PCDH15: variants seen among roughly 807,000 people sequenced by gnomAD.
PCDH15 encodes protocadherin related 15, also known as protocadherin-15.
PCDH15 carries 129 observed loss-of-function variants against 178.5 expected under a neutral mutation model. The observed-to-expected ratio is 0.72, with a 90% confidence interval of 0.63 to 0.84. PCDH15 has a LOEUF of 0.84. Ranked by LOEUF, PCDH15 falls within the 40% of genes least tolerant of loss-of-function variation. The pLI is 0.00. For synonymous variants in PCDH15, 800 were observed against 732.0 expected (o/e 1.09, Z -1.50); for missense variants, 2,230 against 2,099.9 (o/e 1.06, Z -1.21).
At chr10:55,372,511 C>T (rs1845530922) in intron 2 of PCDH15, among the ~76,000 whole-genome samples, 1 of 152,138 alleles carries the variant, frequency 6.6e-6, no homozygotes, top group Non-Finnish European at 1.5e-5. Context: ...GACACATAGA[C>T]ATGTATGAAC....
chr10:55,341,803 ATATTTTTTTTTTTT>A (rs1406124256), intron 2 of PCDH15, among the ~76,000 whole-genome samples: 27 of 11,324 alleles, frequency 2.4e-3, no homozygotes, highest in African/African-American at 5.7e-3. Context: ...ATATATATAT[ATATTTTTTTTTTTT>A]TTTTTTTTTT....
intron 3 of PCDH15, among the ~76,000 whole-genome samples, chr10:54,817,318 A>G (rs1052714554): frequency 1.1e-4 from 16 of 151,974 alleles, no homozygotes; most frequent in Non-Finnish European, 1.9e-4. Context: ...TTAAAAATAA[A>G]TATATGTTAT....
At chr10:55,619,325 G>A (rs1043170887) in intron 2 of PCDH15, among the ~76,000 whole-genome samples, 7 of 151,756 alleles carry the variant, frequency 4.6e-5, no homozygotes, top group African/African-American at 1.2e-4. Context: ...AAACTATAGC[G>A]TCATTGGTTC....
intron 2 of PCDH15, among the ~76,000 whole-genome samples, chr10:54,986,441 A>G (rs1191506707): frequency 6.6e-6 from 1 of 152,208 alleles, no homozygotes; most frequent in Admixed American, 6.6e-5. Flanking sequence ...ACTTTTCTCT[A>G]CTGAATTTTC....
At chr10:54,782,537 A>G (rs903641625) in intron 1 of PCDH15, among the ~76,000 whole-genome samples, 2 of 152,162 alleles carry the variant, frequency 1.3e-5, no homozygotes, top group African/African-American at 4.8e-5. Flanking sequence ...AGAAGAATCC[A>G]TTAACTTTAG....
chr10:54,865,478 C>A (rs1953923094), intron 3 of PCDH15, among the ~76,000 whole-genome samples: 1 of 152,116 alleles, frequency 6.6e-6, no homozygotes. Context: ...CCTCAGCTTG[C>A]AGATGGCCTA....
intron 3 of PCDH15, among the ~76,000 whole-genome samples, chr10:54,835,798 T>C (rs1953306281): frequency 6.6e-6 from 1 of 152,190 alleles, no homozygotes; most frequent in Admixed American, 6.6e-5. Context: ...TTTTGAGCTA[T>C]GTGTCTGTAG....
At chr10:53,954,341 T>C (rs1433032914) in intron 23 of PCDH15, among the ~76,000 whole-genome samples, 1 of 152,194 alleles carries the variant, frequency 6.6e-6, no homozygotes, top group Non-Finnish European at 1.5e-5. Context: ...CAATGATAGG[T>C]CTATTGTTAT....
chr10:54,385,295 C>A (rs1431085163), intron 3 of PCDH15, among the ~76,000 whole-genome samples: 2 of 151,912 alleles, frequency 1.3e-5, no homozygotes, highest in African/African-American at 2.4e-5. Flanking sequence ...AACAATAAGG[C>A]AAAATTATTT....
At chr10:55,340,913 T>A (rs1844539425) in intron 2 of PCDH15, among the ~76,000 whole-genome samples, 1 of 152,012 alleles carries the variant, frequency 6.6e-6, no homozygotes, top group Admixed American at 6.6e-5. Context: ...ATCTTACGAT[T>A]CACATTCTTA....
At chr10:54,970,491 A>T (rs1302297091) in intron 2 of PCDH15, among the ~76,000 whole-genome samples, 3 of 152,170 alleles carry the variant, frequency 2.0e-5, no homozygotes, top group African/African-American at 7.2e-5. Context: ...TGTGAAGACA[A>T]TTCTGATAAA....
At chr10:55,020,979 C>T (rs1380499183) in intron 2 of PCDH15, among the ~76,000 whole-genome samples, 1 of 152,092 alleles carries the variant, frequency 6.6e-6, no homozygotes, top group Non-Finnish European at 1.5e-5. Flanking sequence ...GACTATTGCC[C>T]CCTACCCACC....
At chr10:55,181,842 T>TATTTAATACAG (rs1839657193) in intron 1 of PCDH15, among the ~76,000 whole-genome samples, 2 of 151,994 alleles carry the variant, frequency 1.3e-5, no homozygotes, top group Non-Finnish European at 2.9e-5. Context: ...GGTATTTAAG[T>TATTTAATACAG]AGGATTTTAT....
chr10:54,883,134 T>A (rs751697191), intron 3 of PCDH15, among the ~76,000 whole-genome samples: 1 of 151,972 alleles, frequency 6.6e-6, no homozygotes, highest in Non-Finnish European at 1.5e-5. Flanking sequence ...TCTTCCTATA[T>A]GTAATCATCC....
intron 2 of PCDH15, among the ~76,000 whole-genome samples, chr10:55,520,086 A>G (rs1445482245): frequency 7.0e-6 from 1 of 143,438 alleles, no homozygotes; most frequent in East Asian, 2.0e-4. Flanking sequence ...TATATAAGGC[A>G]TATATATGTA....
rs182521054 is a variant in PCDH15 at position 54,503,615 on chromosome 10, C to T, written c.157+24197G>A. On this transcript the variant is annotated intron_variant, in intron 3 of 37. Coordinates refer to ENST00000644397, the MANE Select transcript of PCDH15 (RefSeq NM_001384140.1). The stretch of plus-strand genomic sequence containing the variant: ...CAAGAGATCTTTGGAAATTTTCTCC[C>T]GAGACATACAAGAATTTACCTAGCA... Among the ~76,000 whole-genome samples, 12 of 151,788 alleles carry T rather than the reference C, an allele frequency of 7.9e-5. No homozygotes were observed. In the East Asian group the frequency reaches 1.6e-3, roughly 20 times the overall value.
chr10:53,854,215 T>G (rs2078579833), intron 28 of PCDH15, among the ~76,000 whole-genome samples: 1 of 151,920 alleles, frequency 6.6e-6, no homozygotes, highest in Non-Finnish European at 1.5e-5. Flanking sequence ...GTAGTAAAAT[T>G]TATACATGTA....
chr10:53,809,115 C>T (rs755469136), intron 37 of PCDH15: 31 of 1,613,670 alleles, frequency 1.9e-5, no homozygotes, highest in East Asian at 4.5e-5. Context: ...CTGTGGATTC[C>T]GATTCTTCTG....
chr10:54,878,249 C>T (rs1274282362), intron 3 of PCDH15, among the ~76,000 whole-genome samples: 1 of 152,140 alleles, frequency 6.6e-6, no homozygotes, highest in Non-Finnish European at 1.5e-5. Context: ...AGGCATGAGC[C>T]ACTGCACCCC....
Sources: gnomAD v4.1 joint callset for allele counts (sites outside exome capture counted in the v4.1 genomes callset) on GRCh38, gnomAD v4.1.1 for gene constraint, MANE v1.5 for transcripts, NCBI Gene and HGNC (gene_info 2026-07-23, HGNC 2026-07-21) for gene names.